MAPKBP1: variants seen among roughly 807,000 people sequenced by gnomAD.
MAPKBP1 encodes the protein mitogen-activated protein kinase binding protein 1.
Under a neutral mutation model 170.5 loss-of-function variants are expected in MAPKBP1, and 71 were observed. The ratio of observed to expected loss-of-function variants is 0.42; its 90% CI spans 0.34 to 0.51. MAPKBP1 has a LOEUF of 0.51. MAPKBP1 is among the 20% of genes least tolerant of loss of function. The probability of loss-of-function intolerance (pLI) is 0.06; values close to 1 mark genes in which losing one functional copy is unlikely to be tolerated. For missense variants in MAPKBP1, 1,598 were observed against 1,933.0 expected (o/e 0.83, Z 3.25); for synonymous variants, 719 against 757.9 (o/e 0.95, Z 0.84).
intron 3 of MAPKBP1, among the ~76,000 whole-genome samples, chr15:41,810,171 G>A (rs892990875): frequency 6.6e-6 from 1 of 152,218 alleles, no homozygotes; most frequent in Non-Finnish European, 1.5e-5. Flanking sequence ...GCCTGTGAAC[G>A]GGCTGTGCAC....
chr15:41,823,023 C>A lies in MAPKBP1; in HGVS notation c.3399C>A (p.Gly1133=). The A allele has an allele frequency of 6.2e-7, 1 of 1,614,034 alleles. No individual in the cohort carries two copies. The stretch of plus-strand genomic sequence containing the variant: ...AGGCATCTGGTGAGCAGCCGAGAGG[C>A]AATGGTGCCAATCCCCCTGGAGCAC... ...VPQASGEQPR[G]NGANPPGAPP... The change falls in exon 28 of 31, where the codon GGC becomes GGA. Residue 1133 remains glycine, a synonymous_variant. Transcript: ENST00000457542.
rs1437863996 is a variant in MAPKBP1 at position 41,818,910 on chromosome 15, C to T, written c.2244C>T (p.Gly748=). The stretch of plus-strand genomic sequence containing the variant: ...AGTTGCGCCAGCGTCAGCGGGGCGG[C>T]AAGCAGCAAGGACCATCCTCTCCCC... ...LAELRQRQRG[G]KQQGPSSPQR... The change falls in exon 20 of 31, where the codon GGC becomes GGT. Residue 748 remains glycine (G), a synonymous_variant. Coordinates refer to ENST00000457542, the MANE Select transcript of MAPKBP1 (RefSeq NM_014994.3). This position sits in a 1 kb window ranked among gnomAD's most constrained non-coding sequence, Gnocchi z 5.2. 1.2e-6 allele frequency: 2 copies of T among 1,614,228 alleles called. No individual in the cohort carries two copies. The highest frequency in any genetic ancestry group is 1.6e-4 in the Middle Eastern group (1 of 6,062).
intron 2 of MAPKBP1, among the ~76,000 whole-genome samples, chr15:41,794,256 T>A (rs917144728): frequency 6.6e-6 from 1 of 151,734 alleles, no homozygotes; most frequent in Non-Finnish European, 1.5e-5. Flanking sequence ...ACAAACCAGA[T>A]GTTTGAGTTC....
chr15:41,779,445 G>A (rs1025592371), intron 2 of MAPKBP1, among the ~76,000 whole-genome samples: 4 of 152,164 alleles, frequency 2.6e-5, no homozygotes, highest in Non-Finnish European at 5.9e-5. Context: ...TCCTGACCTC[G>A]TGATCTGCCT....
Position 41,823,050 on chromosome 15 carries a change from C to A in MAPKBP1, c.3426C>A (p.Pro1142=), listed in dbSNP as rs754917651. ...RGNGANPPGA[P]PEVEPSSGNP... ...ATGGTGCCAATCCCCCTGGAGCACC[C>A]CCGGAGGTGGAACCGTCCTCTGGCA... The change falls in exon 28 of 31, where the codon CCC becomes CCA. Residue 1142 remains proline (P), a synonymous_variant. Coordinates refer to ENST00000457542, the MANE Select transcript of MAPKBP1 (RefSeq NM_014994.3). 6.2e-6 allele frequency: 10 copies of A among 1,613,878 alleles called. No individual in the cohort carries two copies. The highest frequency in any genetic ancestry group is 8.5e-6 in the Non-Finnish European group (10 of 1,179,938).
In MAPKBP1 at chr15:41,816,605, C is replaced by T; in HGVS notation, c.1540C>T (p.His514Tyr). ...SLSEMLKVEA[H>Y]DSEILCLEYS... Reference sequence around the variant, plus strand: ...GAGTGAGATGCTGAAGGTGGAGGCCCATGACTCTGAGATTCTGTGCCTGGA... The same window carrying T: ...GAGTGAGATGCTGAAGGTGGAGGCCTATGACTCTGAGATTCTGTGCCTGGA... The change falls in exon 13 of 31, where the codon CAT (histidine) becomes TAT (tyrosine). Residue 514 changes from histidine to tyrosine, a missense_variant. By Grantham distance (83) the His-to-Tyr change is moderately conservative (BLOSUM62 2). Around this residue, in one of 6 missense-constraint regions of MAPKBP1, gnomAD observed 430 missense variants for 617.2 expected, o/e 0.70. Transcript: ENST00000457542. 2 of 1,614,034 alleles carry T rather than the reference C, an allele frequency of 1.2e-6. No homozygotes were observed. The highest frequency in any genetic ancestry group is 1.7e-6 in the Non-Finnish European group (2 of 1,180,040).
At chr15:41,782,423 G>T (rs1014241833) in intron 2 of MAPKBP1, among the ~76,000 whole-genome samples, 1 of 152,170 alleles carries the variant, frequency 6.6e-6, no homozygotes, top group Non-Finnish European at 1.5e-5. Flanking sequence ...GACGTGATGC[G>T]AATGTTGTCA....
intron 22 of MAPKBP1, 107 bp from the exon 23 acceptor site, chr15:41,820,707 TGCTGTGAGGATGAAGTAA>T: frequency 1.4e-6 from 1 of 689,680 alleles, no homozygotes; most frequent in Non-Finnish European, 2.5e-6. Context: ...TTCAAAAGGT[TGCTGTGAGGATGAAGTAA>T]GCTAGTATGT....
Position 41,818,903 on chromosome 15 carries a change from G to A in MAPKBP1, c.2237G>A (p.Arg746Gln), listed in dbSNP as rs771255709. 1.1e-5 allele frequency: 18 copies of A among 1,614,070 alleles called. No individual in the cohort carries two copies. The highest frequency in any genetic ancestry group is 2.2e-5 in the South Asian group (2 of 91,082). ...QRLAELRQRQ[R>Q]GGKQQGPSSP... The stretch of plus-strand genomic sequence containing the variant: ...CTGGCCGAGTTGCGCCAGCGTCAGC[G>A]GGGCGGCAAGCAGCAAGGACCATCC... Residue 746 changes from arginine (R) to glutamine (Q), a missense_variant, in exon 20 of 31, where the codon CGG becomes CAG. Arg to Gln is a conservative substitution (Grantham distance 43). This residue lies in a region of MAPKBP1 where 63 missense variants were observed against 115.2 expected (regional missense o/e 0.55). Transcript: ENST00000457542. The surrounding 1 kb of genome is among the most constrained non-coding windows in gnomAD (Gnocchi z 5.2).
intron 2 of MAPKBP1, among the ~76,000 whole-genome samples, chr15:41,777,373 G>A (rs552950846): frequency 6.6e-6 from 1 of 151,920 alleles, no homozygotes; most frequent in South Asian, 2.1e-4. Flanking sequence ...GCTTCACAGA[G>A]GAAGGGATGC....
chr15:41,813,792 T>C lies in MAPKBP1; in HGVS notation c.980+11T>C, dbSNP rs776419694. 4 of 1,571,530 alleles carry C rather than the reference T, an allele frequency of 2.5e-6. No individual in the cohort carries two copies. The African/African-American group carries it at 5.5e-5, about 22-fold the overall frequency. On this transcript the variant is annotated intron_variant, in intron 9 of 30. Transcript: ENST00000457542. The stretch of plus-strand genomic sequence containing the variant: ...CGTCACCGAGGCCAGGTGAGCTATG[T>C]GGGCCCCCCTTCCTCCATTTGTAGC...
rs1830162806 is a variant in MAPKBP1 at position 41,825,345 on chromosome 15, C to T, written c.4436C>T (p.Ala1479Val). 6.2e-7 allele frequency: 1 copy of T among 1,613,336 alleles called. No homozygotes were observed. Among genetic ancestry groups the T allele is most frequent in the South Asian group, 1.1e-5 (1 of 91,094 alleles). Residue 1479 changes from alanine to valine, a missense_variant, in exon 31 of 31, where the codon GCT (alanine) becomes GTT (valine). By Grantham distance (64) the Ala-to-Val change is moderately conservative (BLOSUM62 0). Coordinates refer to ENST00000457542, the MANE Select transcript of MAPKBP1 (RefSeq NM_014994.3). ...TCCAGCCCAGGCAGCAGCCCTGGGGCTGTGGGAGCCGAGCAGACACAGGCC... is the reference window on the plus strand; with the variant it reads ...TCCAGCCCAGGCAGCAGCCCTGGGGTTGTGGGAGCCGAGCAGACACAGGCC... ...VLSSPGSSPG[A>V]VGAEQTQALL...
At chr15:41,781,795 T>C (rs2064193952) in intron 2 of MAPKBP1, among the ~76,000 whole-genome samples, 1 of 152,158 alleles carries the variant, frequency 6.6e-6, no homozygotes, top group Non-Finnish European at 1.5e-5. Context: ...GAAGAAAGTT[T>C]ATTTGGTGGT....
In MAPKBP1 at chr15:41,817,820, C is replaced by T; in HGVS notation, c.1904+85C>T. 2 of 1,586,708 alleles carry T rather than the reference C, an allele frequency of 1.3e-6. No individual in the cohort carries two copies. The highest frequency in any genetic ancestry group is 1.8e-5 in the Admixed American group (1 of 56,424). On this transcript the variant is annotated intron_variant, in intron 16 of 30. Transcript: ENST00000457542. The surrounding 1 kb of genome is among the most constrained non-coding windows in gnomAD (Gnocchi z 4.2). The stretch of plus-strand genomic sequence containing the variant: ...TGTGCAGCTAAGTTCCCACATCTGT[C>T]GTTCTGTACAGGACTTTGTACCCCC...
At chr15:41,812,278 T>A in intron 6 of MAPKBP1, 151 bp downstream of exon 6, 1 of 1,246,310 alleles carries the variant, frequency 8.0e-7, no homozygotes, top group Non-Finnish European at 1.1e-6. Flanking sequence ...AGCAACTGTG[T>A]GGCCAAGCAT....
At chr15:41,797,865 A>G (rs549987780) in intron 2 of MAPKBP1, among the ~76,000 whole-genome samples, 1 of 152,266 alleles carries the variant, frequency 6.6e-6, no homozygotes, top group Non-Finnish European at 1.5e-5. Flanking sequence ...TATTAAATGT[A>G]ACATCTCAGG....
chr15:41,813,917 A>G, intron 9 of MAPKBP1, 136 bp downstream of exon 9: 1 of 1,063,326 alleles, frequency 9.4e-7, no homozygotes, highest in South Asian at 2.0e-5. Flanking sequence ...AGACAGAAGA[A>G]TTTGGGTTTA....
In MAPKBP1 at chr15:41,825,217, C is replaced by A. The variant is rs1290656589; in HGVS notation, c.4308C>A (p.Gly1436=). 1.9e-6 allele frequency: 3 copies of A among 1,580,488 alleles called. No homozygotes were observed. In the Admixed American group the frequency reaches 5.2e-5, roughly 27 times the overall value. ...QAVRLYHSVA[G]CKMPSAEQSR... is the part of the protein sequence containing the mutation. ...TGGGGGTGCTATTTCAGGTGGCTGG[C>A]TGCAAGATGCCCTCAGCAGAGCAAA... Residue 1436 remains glycine (G), a synonymous_variant, in exon 31 of 31, where the codon GGC becomes GGA. Coordinates refer to ENST00000457542, the MANE Select transcript of MAPKBP1 (RefSeq NM_014994.3).
chr15:41,800,742 G>T (rs76892376), intron 3 of MAPKBP1, among the ~76,000 whole-genome samples: 1 of 150,760 alleles, frequency 6.6e-6, no homozygotes, highest in African/African-American at 2.4e-5. Context: ...TCATATAAAC[G>T]GAATCAGGTA....
Sources: gnomAD v4.1 joint callset for allele counts (sites outside exome capture counted in the v4.1 genomes callset) on GRCh38, gnomAD v4.1.1 for gene constraint, gnomAD v4.1.1 regional missense constraint, Gnocchi (gnomAD v3.1) non-coding constraint, MANE v1.5 for transcripts, NCBI Gene and HGNC (gene_info 2026-07-23, HGNC 2026-07-21) for gene names.